Variants in CDK5RAP2 observed in about 807,000 individuals in gnomAD.
The protein encoded by CDK5RAP2 is CDK5 regulatory subunit associated protein 2, also known as CDK5 regulatory subunit-associated protein 2.
CDK5RAP2 carries 147 observed loss-of-function variants against 232.9 expected under a neutral mutation model. The ratio of observed to expected loss-of-function variants is 0.63; its 90% CI spans 0.55 to 0.72. The LOEUF (loss-of-function observed/expected upper bound fraction) is 0.72. CDK5RAP2 is among the 30% of genes least tolerant of loss of function. CDK5RAP2 has a pLI of 0.00. For missense variants in CDK5RAP2, 2,195 were observed against 2,231.5 expected, an observed-to-expected ratio of 0.98 and a Z score of 0.33; for synonymous variants, 833 against 833.7, an observed-to-expected ratio of 1.00 and a Z score of 0.01.
At chr9:120,426,192 C>G (rs1196839041) in intron 25 of CDK5RAP2, among the ~76,000 whole-genome samples, 1 of 152,194 alleles carries the variant, frequency 6.6e-6, no homozygotes, top group Non-Finnish European at 1.5e-5. Context: ...ATTGTTGCCA[C>G]TGTAAGCCAA....
chr9:120,537,681 A>G (rs2041452327), intron 6 of CDK5RAP2, among the ~76,000 whole-genome samples: 1 of 151,608 alleles, frequency 6.6e-6, no homozygotes, highest in Admixed American at 6.6e-5. Context: ...TGCCTGTTTC[A>G]TCATCTGTTT....
intron 25 of CDK5RAP2, among the ~76,000 whole-genome samples, chr9:120,423,862 G>C (rs2034720011): frequency 6.6e-6 from 1 of 152,226 alleles, no homozygotes; most frequent in South Asian, 2.1e-4. Context: ...TTTAAGTCTA[G>C]AAGTTCCCAC....
chr9:120,409,271 T>C lies in CDK5RAP2; in HGVS notation c.4460A>G (p.Lys1487Arg). Residue 1487 changes from lysine (K) to arginine (R), a missense_variant, in exon 30 of 38, where the codon AAG becomes AGG. By Grantham distance (26) the Lys-to-Arg change is conservative. Coordinates refer to ENST00000349780, the MANE Select transcript of CDK5RAP2 (RefSeq NM_018249.6). ...NDKLRESLSR[K>R]TVSLEHLQRE... ...CTGAAGGTGCTCCAGGCTCACGGTC[T>C]TCCTGGAGAGGGACTCTCGTAATTT... 1.9e-6 allele frequency: 3 copies of C among 1,613,018 alleles called. No individual in the cohort carries two copies. The South Asian group carries it at 3.3e-5, about 18-fold the overall frequency.
At chr9:120,521,881 G>A (rs976990810) in intron 11 of CDK5RAP2, among the ~76,000 whole-genome samples, 14 of 151,936 alleles carry the variant, frequency 9.2e-5, no homozygotes, top group Non-Finnish European at 1.3e-4. Context: ...TCCTGACCTC[G>A]TGATCCACCT....
chr9:120,568,094 A>G (rs1277120205), intron 3 of CDK5RAP2, among the ~76,000 whole-genome samples: 4 of 152,226 alleles, frequency 2.6e-5, no homozygotes, highest in Non-Finnish European at 5.9e-5. Flanking sequence ...AGTTTCACCC[A>G]AAGTTGAAAA....
At chr9:120,531,874 G>A (rs2041167769) in intron 7 of CDK5RAP2, among the ~76,000 whole-genome samples, 1 of 152,224 alleles carries the variant, frequency 6.6e-6, no homozygotes, top group Non-Finnish European at 1.5e-5. Flanking sequence ...CCTGGAAAGA[G>A]GTGTAAGATT....
At chr9:120,436,854 C>G (rs944938401) in intron 25 of CDK5RAP2, among the ~76,000 whole-genome samples, 1 of 152,078 alleles carries the variant, frequency 6.6e-6, no homozygotes, top group Admixed American at 6.6e-5. Context: ...CTTCGATATA[C>G]TTTTTAACTG....
chr9:120,533,635 A>G (rs908894601), intron 7 of CDK5RAP2, among the ~76,000 whole-genome samples: 3 of 151,888 alleles, frequency 2.0e-5, no homozygotes, highest in Non-Finnish European at 4.4e-5. Flanking sequence ...CTCCACTAAA[A>G]ATACAAAAAT....
chr9:120,440,059 C>G, intron 23 of CDK5RAP2, 87 bp from the exon 24 acceptor site: 1 of 1,164,746 alleles, frequency 8.6e-7, no homozygotes, highest in Non-Finnish European at 1.3e-6. Flanking sequence ...CAAGCCAAGA[C>G]CACTGCAGTG....
At chr9:120,572,159 G>T in intron 1 of CDK5RAP2, 118 bp from the exon 2 acceptor site, 1 of 820,032 alleles carries the variant, frequency 1.2e-6, no homozygotes. Flanking sequence ...ACACAGCTGG[G>T]CTACCTATGT....
chr9:120,419,924 C>T lies in CDK5RAP2; in HGVS notation c.4041G>A (p.Leu1347=), dbSNP rs6478475. The T allele has an allele frequency of 0.038, 61,256 of 1,613,676 alleles. 2,718 individuals carry two copies. The highest frequency in any genetic ancestry group is 0.23 in the African/African-American group (17,025 of 74,938). Residue 1347 remains leucine (L), a synonymous_variant, in exon 27 of 38, where the codon CTG becomes CTA. Coordinates refer to ENST00000349780, the MANE Select transcript of CDK5RAP2 (RefSeq NM_018249.6). ...EEDNLTYQHL[L]PESPEPSASH... ...AGGCTGAAGGCTCAGGAGATTCAGG[C>T]AGAAGATGTTGGTAGGTTAAGTTGT...
At chr9:120,533,667 G>A (rs564536856) in intron 7 of CDK5RAP2, among the ~76,000 whole-genome samples, 22 of 151,774 alleles carry the variant, frequency 1.4e-4, no homozygotes, top group Middle Eastern at 3.4e-3. Flanking sequence ...TTTTGGTGGC[G>A]GGCAACTGTA....
chr9:120,439,197 G>A (rs1405938585), intron 24 of CDK5RAP2, among the ~76,000 whole-genome samples: 1 of 152,178 alleles, frequency 6.6e-6, no homozygotes, highest in African/African-American at 2.4e-5. Flanking sequence ...GTTCAAGTGC[G>A]TGGTCGCTGT....
rs1217759187 is a variant in CDK5RAP2 at position 120,539,195 on chromosome 9, C to T, written c.384-31G>A. 3 of 1,613,250 alleles carry T rather than the reference C, an allele frequency of 1.9e-6. No homozygotes were observed. In the Admixed American group the frequency reaches 5.0e-5, roughly 27 times the overall value. On this transcript the variant is annotated intron_variant, in intron 5 of 37. Transcript: ENST00000349780. ...AAAAGAGGCACAGGGGTAAAACATGCAAGGGTGATGGTCTGATGGTTATTT... is the reference window on the plus strand; with the variant it reads ...AAAAGAGGCACAGGGGTAAAACATGTAAGGGTGATGGTCTGATGGTTATTT...
chr9:120,548,762 T>A (rs1377068578), intron 4 of CDK5RAP2, among the ~76,000 whole-genome samples: 1 of 152,212 alleles, frequency 6.6e-6, no homozygotes, highest in Non-Finnish European at 1.5e-5. Flanking sequence ...CAGTGAGCTA[T>A]GATCACACCA....
chr9:120,402,693 G>A, intron 34 of CDK5RAP2, 113 bp downstream of exon 34: 2 of 1,201,242 alleles, frequency 1.7e-6, no homozygotes, highest in Non-Finnish European at 1.2e-6. Context: ...CACACTTCCT[G>A]GTCCCTCTTC....
intron 18 of CDK5RAP2, among the ~76,000 whole-genome samples, chr9:120,466,121 T>C (rs2037366220): frequency 6.6e-6 from 1 of 152,232 alleles, no homozygotes; most frequent in South Asian, 2.1e-4. Context: ...TCCCCCCTCC[T>C]TTTCTGATTT....
intron 7 of CDK5RAP2, 123 bp from the exon 8 acceptor site, chr9:120,530,263 C>T: frequency 1.5e-6 from 1 of 685,880 alleles, no homozygotes; most frequent in South Asian, 1.8e-5. Context: ...TGAACACAAA[C>T]AGAATCACAT....
intron 3 of CDK5RAP2, among the ~76,000 whole-genome samples, chr9:120,558,636 C>A (rs2042337966): frequency 6.6e-6 from 1 of 152,180 alleles, no homozygotes; most frequent in Non-Finnish European, 1.5e-5. Flanking sequence ...GGCCTCCTTT[C>A]CAGTCCTGAA....
Sources: gnomAD v4.1 joint callset for allele counts (sites outside exome capture counted in the v4.1 genomes callset) on GRCh38, gnomAD v4.1.1 for gene constraint, MANE v1.5 for transcripts, NCBI Gene and HGNC (gene_info 2026-07-23, HGNC 2026-07-21) for gene names.